Variants in CLVS1 observed in about 807,000 individuals in gnomAD.
CLVS1 encodes the protein clavesin-1.
CLVS1 carries 10 observed loss-of-function variants against 33.1 expected under a neutral mutation model. That is an observed-to-expected ratio of 0.30 (90% confidence interval 0.19 to 0.51). CLVS1 has a LOEUF of 0.51. CLVS1 is among the 20% of genes least tolerant of loss of function. CLVS1 has a pLI of 0.97. For synonymous variants in CLVS1, 163 were observed against 166.1 expected (o/e 0.98, Z 0.14); for missense variants, 343 against 433.4 (o/e 0.79, Z 1.85).
In CLVS1 at chr8:61,238,067, C is replaced by T. The variant is rs191561583; in HGVS notation, c.-151-61610C>T. Among the ~76,000 whole-genome samples, 304 of 152,274 alleles carry T rather than the reference C, an allele frequency of 2.0e-3. 1 individual carries two copies. Among genetic ancestry groups the T allele is most frequent in the African/African-American group, 6.9e-3 (286 of 41,558 alleles). On this transcript the variant is annotated intron_variant, in intron 2 of 2. Coordinates refer to the CLVS1 transcript ENST00000522621. The stretch of plus-strand genomic sequence containing the variant: ...AGAAGGCCTAATTTGTAGAGTTCCT[C>T]CTACCCTGCCCCACACCTCTTCCTG...
chr8:61,092,941 G>A (rs908914755), intron 1 of CLVS1, among the ~76,000 whole-genome samples: 5 of 152,030 alleles, frequency 3.3e-5, no homozygotes, highest in Admixed American at 6.5e-5. Flanking sequence ...TATGGCCATG[G>A]ATAGAGCAGT....
intron 1 of CLVS1, among the ~76,000 whole-genome samples, chr8:61,064,968 G>A (rs890905699): frequency 6.6e-6 from 1 of 152,224 alleles, no homozygotes; most frequent in Non-Finnish European, 1.5e-5. Context: ...CTCCCAAATT[G>A]CTGGGATTAC....
chr8:61,281,740 C>T (rs1413249196), intron 2 of CLVS1, among the ~76,000 whole-genome samples: 1 of 152,112 alleles, frequency 6.6e-6, no homozygotes, highest in Non-Finnish European at 1.5e-5. Context: ...ATCCAAGGCC[C>T]TCTTGCTATA....
At chr8:61,360,563 T>A (rs537651819) in intron 2 of CLVS1, among the ~76,000 whole-genome samples, 1 of 152,358 alleles carries the variant, frequency 6.6e-6, no homozygotes, top group South Asian at 2.1e-4. Context: ...TCTGTGCTCT[T>A]CTGAGATGGC....
rs986295337 is a variant in CLVS1, at chr8:61,094,525, T to A, written c.-242-37245T>A. 4.6e-5 allele frequency among the ~76,000 whole-genome samples: 7 copies of A among 152,326 alleles called. No individual in the cohort carries two copies. In the East Asian group the frequency reaches 1.2e-3, roughly 25 times the overall value. On this transcript the variant is annotated intron_variant, in intron 1 of 2. Transcript: ENST00000522621. ...GTGGCTCATGAGGTTGGGTAACTGTTATGTACTGAATTGTGTCTCCCTCAC... is the reference window on the plus strand; with the variant it reads ...GTGGCTCATGAGGTTGGGTAACTGTAATGTACTGAATTGTGTCTCCCTCAC...
intron 2 of CLVS1, among the ~76,000 whole-genome samples, chr8:61,209,328 G>A (rs1464364019): frequency 6.6e-6 from 1 of 152,222 alleles, no homozygotes; most frequent in Non-Finnish European, 1.5e-5. Context: ...CTCCAACTTA[G>A]AGAGTTTTAT....
intron 2 of CLVS1, among the ~76,000 whole-genome samples, chr8:61,175,541 C>A (rs1235344914): frequency 1.3e-5 from 2 of 152,140 alleles, no homozygotes; most frequent in Admixed American, 1.3e-4. Flanking sequence ...TAAGGTTTTG[C>A]AGATATTATC....
chr8:61,250,723 G>A (rs1343831841), intron 2 of CLVS1, among the ~76,000 whole-genome samples: 2 of 152,106 alleles, frequency 1.3e-5, no homozygotes, highest in African/African-American at 4.8e-5. Flanking sequence ...CTGTTTGTCT[G>A]TTATTGGTGT....
intron 5 of CLVS1, among the ~76,000 whole-genome samples, chr8:61,486,502 A>G (rs2129608421): frequency 6.6e-6 from 1 of 152,348 alleles, no homozygotes; most frequent in South Asian, 2.1e-4. Context: ...GAACCAATGT[A>G]AAACAATGAT....
chr8:61,369,751 G>T (rs534117225), intron 2 of CLVS1, among the ~76,000 whole-genome samples: 1 of 152,280 alleles, frequency 6.6e-6, no homozygotes, highest in South Asian at 2.1e-4. Context: ...TTGCATGTTT[G>T]GTGAGTGGCA....
intron 2 of CLVS1, among the ~76,000 whole-genome samples, chr8:61,137,412 A>C (rs888588602): frequency 6.6e-6 from 1 of 152,220 alleles, no homozygotes; most frequent in African/African-American, 2.4e-5. Context: ...GACCAAATCC[A>C]TCTGAGCACC....
chr8:61,212,638 G>C (rs1807994706), intron 2 of CLVS1, among the ~76,000 whole-genome samples: 1 of 152,200 alleles, frequency 6.6e-6, no homozygotes, highest in Non-Finnish European at 1.5e-5. Context: ...GGTTGTCACA[G>C]TGATAGGAGC....
intron 3 of CLVS1, among the ~76,000 whole-genome samples, chr8:61,398,319 C>G (rs889808684): frequency 5.3e-5 from 8 of 151,500 alleles, no homozygotes; most frequent in African/African-American, 1.9e-4. Context: ...GTAGCTGTAA[C>G]CACAGGTATG....
At chr8:61,096,679 C>T (rs1013692100) in intron 1 of CLVS1, among the ~76,000 whole-genome samples, 5 of 152,180 alleles carry the variant, frequency 3.3e-5, no homozygotes, top group Non-Finnish European at 7.3e-5. Context: ...AATAATGCTT[C>T]TCACTCTAAG....
At chr8:61,478,651 T>G (rs1818057234) in intron 5 of CLVS1, among the ~76,000 whole-genome samples, 1 of 152,182 alleles carries the variant, frequency 6.6e-6, no homozygotes, top group African/African-American at 2.4e-5. Flanking sequence ...CCTGCCTTTT[T>G]TTGTTTTCCA....
intron 2 of CLVS1, among the ~76,000 whole-genome samples, chr8:61,160,018 T>C (rs878968364): frequency 1.3e-5 from 2 of 152,224 alleles, no homozygotes; most frequent in East Asian, 3.8e-4. Flanking sequence ...CTGACACTTC[T>C]TGAGGATAAA....
chr8:61,033,686 A>T, the CLVS1 span, among the ~76,000 whole-genome samples: 2 of 152,126 alleles, frequency 1.3e-5, no homozygotes. Context: ...AGATGTAACC[A>T]CCTGGCTGGG....
intron 2 of CLVS1, among the ~76,000 whole-genome samples, chr8:61,323,254 C>T (rs1811264152): frequency 6.6e-6 from 1 of 152,114 alleles, no homozygotes; most frequent in South Asian, 2.1e-4. Context: ...TTAGGATTCT[C>T]AGGGCAGTTC....
At chr8:60,992,637 G>T in the CLVS1 span, among the ~76,000 whole-genome samples, 1 of 152,242 alleles carries the variant, frequency 6.6e-6, no homozygotes, top group Non-Finnish European at 1.5e-5. Flanking sequence ...GTCCCTGTTT[G>T]GGAGGTCAGT....
Sources: gnomAD v4.1 joint callset for allele counts (sites outside exome capture counted in the v4.1 genomes callset) on GRCh38, gnomAD v4.1.1 for gene constraint, MANE v1.5 for transcripts, NCBI Gene and HGNC (gene_info 2026-07-23, HGNC 2026-07-21) for gene names.